The following UGT1A7 variants were observed in gnomAD, a reference collection of about 807,000 sequenced individuals.
The protein encoded by UGT1A7 is UDP-glucuronosyltransferase 1A7.
A neutral mutation model predicts 45.6 loss-of-function variants in UGT1A7; 33 were observed. That is an observed-to-expected ratio of 0.72 (90% CI 0.55 to 0.97). The LOEUF is 0.97. Among genes scored for constraint, UGT1A7 ranks in the 50% least tolerant of loss-of-function variants. The probability of loss-of-function intolerance (pLI) is 0.00; values close to 1 mark genes in which losing one functional copy is unlikely to be tolerated. For missense variants in UGT1A7, 684 were observed against 666.2 expected (o/e 1.03, Z -0.29); for synonymous variants, 274 against 250.6 (o/e 1.09, Z -0.88).
chr2:233,738,287 A>T, intron 1 of UGT1A7, among the ~76,000 whole-genome samples: 1 of 152,330 alleles, frequency 6.6e-6, no homozygotes, highest in South Asian at 2.1e-4. Flanking sequence ...TAAATTACCC[A>T]GTCTTGGGTA....
At chr2:233,691,107 A>G (rs2075029102) in intron 1 of UGT1A7, 1 of 985,930 alleles carries the variant, frequency 1.0e-6, no homozygotes, top group African/African-American at 1.7e-5. Flanking sequence ...CGCTATTCCT[A>G]CATGCTTGCT....
At chr2:233,757,306 A>T (rs894592007) in intron 1 of UGT1A7, among the ~76,000 whole-genome samples, 3 of 7,676 alleles carry the variant, frequency 3.9e-4, no homozygotes, top group African/African-American at 1.0e-3. Context: ...GTTGGGGGAC[A>T]GGGGGGCTGG....
chr2:233,685,013 A>G (rs896439822), intron 1 of UGT1A7, among the ~76,000 whole-genome samples: 3 of 152,124 alleles, frequency 2.0e-5, no homozygotes, highest in African/African-American at 7.2e-5. Context: ...TTGTGCACGT[A>G]TGTGTCTGTA....
At chr2:233,697,815 A>T (rs1380168225) in intron 1 of UGT1A7, among the ~76,000 whole-genome samples, 2 of 152,006 alleles carry the variant, frequency 1.3e-5, no homozygotes, top group African/African-American at 4.8e-5. Context: ...TTTCTTTTTA[A>T]TTTCAAGAAA....
chr2:233,766,956 T>C (rs1699290274), intron 1 of UGT1A7, 78 bp from the exon 2 acceptor site: 3 of 1,604,724 alleles, frequency 1.9e-6, no homozygotes, highest in Non-Finnish European at 2.5e-6. Flanking sequence ...GAGGAAGATA[T>C]CTAATTCATA....
chr2:233,740,931 T>C (rs1341633178), intron 1 of UGT1A7: 1 of 151,798 alleles, frequency 6.6e-6, no homozygotes, highest in Non-Finnish European at 1.5e-5. Context: ...CAAAAAGTTT[T>C]TTTTTTAATT....
chr2:233,765,939 C>T (rs570894932), intron 1 of UGT1A7, among the ~76,000 whole-genome samples: 8 of 152,214 alleles, frequency 5.3e-5, no homozygotes, highest in African/African-American at 1.7e-4. Flanking sequence ...GGTTGTGGGG[C>T]TCTGACCTCA....
intron 1 of UGT1A7, among the ~76,000 whole-genome samples, chr2:233,710,005 G>C (rs1294039460): frequency 6.6e-6 from 1 of 152,198 alleles, no homozygotes; most frequent in African/African-American, 2.4e-5. Context: ...ATACAATTAT[G>C]AATGAAAAAC....
chr2:233,759,804 G>A (rs35746348), intron 1 of UGT1A7, among the ~76,000 whole-genome samples: 153 of 152,314 alleles, frequency 1.0e-3, no homozygotes, highest in African/African-American at 3.5e-3. Context: ...ATACAAGTGA[G>A]CAGGCAGTAC....
chr2:233,761,222 C>T, intron 1 of UGT1A7: 1 of 1,613,374 alleles, frequency 6.2e-7, no homozygotes, highest in Admixed American at 1.7e-5. Flanking sequence ...GATTAACTAG[C>T]CCCAGATATA....
chr2:233,761,574 C>T (rs1697805225), intron 1 of UGT1A7, among the ~76,000 whole-genome samples: 1 of 152,176 alleles, frequency 6.6e-6, no homozygotes, highest in Admixed American at 6.5e-5. Flanking sequence ...TGAAAGTTGC[C>T]TTTGTGACCC....
rs979149719 is a variant in UGT1A7, at chr2:233,682,893, G to T, written c.855+101G>T. The T allele has an allele frequency of 2.7e-6, 4 of 1,506,370 alleles. No homozygotes were observed. The East Asian group carries it at 9.1e-5, about 34-fold the overall frequency. 93.3% of individuals were successfully genotyped at this position (1,506,370 alleles called of 1,614,324 possible). A position where few individuals can be genotyped will look rare whatever the true frequency, so the allele number is the denominator to read the frequency against. ...TTATCATTTACATTTGTCCCATTTG[G>T]AATTTCTTTCTGGTTTAAGGAATTC... On this transcript the variant is annotated intron_variant, in intron 1 of 4. Coordinates refer to ENST00000373426, the MANE Select transcript of UGT1A7 (RefSeq NM_019077.3).
At chr2:233,703,741 A>T (rs750390078) in intron 1 of UGT1A7, among the ~76,000 whole-genome samples, 22 of 152,044 alleles carry the variant, frequency 1.4e-4, no homozygotes, top group Non-Finnish European at 2.9e-4. Flanking sequence ...TTTTGTTTTT[A>T]AATCTCAAAT....
At chr2:233,746,142 G>A (rs1693316730) in intron 1 of UGT1A7, among the ~76,000 whole-genome samples, 1 of 151,850 alleles carries the variant, frequency 6.6e-6, no homozygotes, top group Admixed American at 6.5e-5. Flanking sequence ...GCACCTGAGT[G>A]ATAGCATGAT....
intron 1 of UGT1A7, among the ~76,000 whole-genome samples, chr2:233,756,694 G>T (rs2125945712): frequency 6.6e-6 from 1 of 152,238 alleles, no homozygotes. Context: ...TAATGACGAT[G>T]AATTTTGGGG....
chr2:233,742,497 T>C (rs1691999391), intron 1 of UGT1A7, among the ~76,000 whole-genome samples: 1 of 151,968 alleles, frequency 6.6e-6, no homozygotes, highest in Non-Finnish European at 1.5e-5. Flanking sequence ...ATAGGCATCA[T>C]GGCTATCATG....
intron 1 of UGT1A7, chr2:233,713,102 T>C: frequency 1.9e-6 from 3 of 1,614,146 alleles, no homozygotes; most frequent in Non-Finnish European, 2.5e-6. Context: ...TGCCCACTGA[T>C]GGCAGCCACT....
intron 1 of UGT1A7, among the ~76,000 whole-genome samples, chr2:233,761,308 T>C (rs72551346): frequency 6.6e-6 from 1 of 152,246 alleles, no homozygotes; most frequent in Non-Finnish European, 1.5e-5. Context: ...GAGTCTGTCT[T>C]TGGCATCATC....
At chr2:233,688,015 A>G (rs2074874910) in intron 1 of UGT1A7, among the ~76,000 whole-genome samples, 1 of 152,242 alleles carries the variant, frequency 6.6e-6, no homozygotes, top group Admixed American at 6.5e-5. Flanking sequence ...GATACAATCA[A>G]CCATCACCAA....
Sources: allele counts gnomAD v4.1 joint callset (sites outside exome capture counted in the v4.1 genomes callset), GRCh38; gene constraint gnomAD v4.1.1; transcripts MANE v1.5; gene names NCBI Gene and HGNC (gene_info 2026-07-23, HGNC 2026-07-21).